The following DMD variants were observed in gnomAD, a reference collection of about 807,000 sequenced individuals.
DMD encodes the protein dystrophin, also known as mutant dystrophin.
DMD carries 63 observed loss-of-function variants against 330.1 expected under a neutral mutation model. That is an observed-to-expected ratio of 0.19 (90% CI 0.16 to 0.24). The LOEUF is 0.24. Ranked by LOEUF, DMD falls within the 10% of genes least tolerant of loss-of-function variation. The probability of loss-of-function intolerance (pLI) is 1.00; values close to 1 mark genes in which losing one functional copy is unlikely to be tolerated. For missense variants in DMD, 3,344 were observed against 2,684.1 expected, an observed-to-expected ratio of 1.25 and a Z score of -5.43; for synonymous variants, 1,223 against 959.8, an observed-to-expected ratio of 1.27 and a Z score of -5.07.
chrX:31,747,241 G>A (rs1192849857), intron 51 of DMD, among the ~76,000 whole-genome samples: 1 of 111,552 alleles, frequency 9.0e-6, no homozygotes, highest in Non-Finnish European at 1.9e-5. Flanking sequence ...TTTTGCTGTT[G>A]TAAGAGCAAA....
chrX:31,557,860 G>GA (rs1241355449), intron 55 of DMD, among the ~76,000 whole-genome samples: 167 of 101,293 alleles, frequency 1.6e-3, no homozygotes, highest in African/African-American at 2.4e-3. Context: ...ATACAGATTG[G>GA]AAAAAAAAAA....
intron 45 of DMD, among the ~76,000 whole-genome samples, chrX:31,955,434 C>T (rs780781557): frequency 1.8e-5 from 2 of 111,924 alleles, no homozygotes; most frequent in Non-Finnish European, 3.8e-5. Context: ...TTTTAGTTCT[C>T]GATCCTTCTA....
intron 43 of DMD, among the ~76,000 whole-genome samples, chrX:32,267,081 T>C (rs2097347666): frequency 8.9e-6 from 1 of 112,472 alleles, no homozygotes; most frequent in Non-Finnish European, 1.9e-5. Flanking sequence ...GATTTGCCAC[T>C]GTTGTTTCCT....
intron 44 of DMD, among the ~76,000 whole-genome samples, chrX:32,029,840 G>A (rs1031540186): frequency 6.3e-5 from 7 of 111,337 alleles, no homozygotes; most frequent in African/African-American, 9.8e-5. Context: ...AATATTCTCC[G>A]GTAACCTTTC....
chrX:32,530,854 C>T (rs1459590176), intron 17 of DMD, among the ~76,000 whole-genome samples: 2 of 111,992 alleles, frequency 1.8e-5, no homozygotes, highest in East Asian at 2.8e-4. Flanking sequence ...GAAATCCTGT[C>T]AGAGTAATAA....
chrX:32,919,008 G>A (rs1399019177), intron 2 of DMD, among the ~76,000 whole-genome samples: 1 of 111,896 alleles, frequency 8.9e-6, no homozygotes, highest in Non-Finnish European at 1.9e-5. Context: ...TGAGAAAGTG[G>A]GAAACAGCAT....
intron 44 of DMD, among the ~76,000 whole-genome samples, chrX:32,151,905 G>T (rs2096805504): frequency 9.0e-6 from 1 of 111,463 alleles, no homozygotes; most frequent in Admixed American, 9.6e-5. Context: ...AAAAAAGATG[G>T]CTGTTAATTC....
chrX:32,675,208 TTA>T (rs2147248183), intron 9 of DMD, among the ~76,000 whole-genome samples: 1 of 111,508 alleles, frequency 9.0e-6, no homozygotes, highest in East Asian at 2.8e-4. Flanking sequence ...AAAGGATGTA[TTA>T]TCTTACTACA....
chrX:32,885,048 G>A (rs2084383974), intron 2 of DMD, among the ~76,000 whole-genome samples: 1 of 111,523 alleles, frequency 9.0e-6, no homozygotes, highest in Admixed American at 9.5e-5. Flanking sequence ...AGATTTGTAG[G>A]GATCCTAGCC....
At chrX:31,821,975 T>C (rs771795096) in intron 49 of DMD, among the ~76,000 whole-genome samples, 13 of 112,443 alleles carry the variant, frequency 1.2e-4, no homozygotes, top group African/African-American at 4.2e-4. Context: ...ATCATTAATT[T>C]AATGCGAATC....
At chrX:32,451,335 T>G (rs2098329129) in intron 26 of DMD, among the ~76,000 whole-genome samples, 1 of 111,099 alleles carries the variant, frequency 9.0e-6, no homozygotes, top group African/African-American at 3.3e-5. Context: ...TTTGTGTATT[T>G]ACTATTCTCA....
chrX:33,082,876 C>A (rs1323781654), intron 1 of DMD, among the ~76,000 whole-genome samples: 1 of 112,191 alleles, frequency 8.9e-6, no homozygotes, highest in Non-Finnish European at 1.9e-5. Flanking sequence ...GTGTCCTAAC[C>A]CACGTTCTAT....
At chrX:32,125,222 C>T (rs192515390) in intron 44 of DMD, among the ~76,000 whole-genome samples, 83 of 110,629 alleles carry the variant, frequency 7.5e-4, no homozygotes, top group Non-Finnish European at 1.3e-3. Flanking sequence ...CAATGAGAGA[C>T]GATGGTAGCT....
At chrX:31,792,592 T>C (rs753578551) in intron 50 of DMD, among the ~76,000 whole-genome samples, 53 of 112,411 alleles carry the variant, frequency 4.7e-4, no homozygotes, top group Non-Finnish European at 9.2e-4. Context: ...TATACCTACT[T>C]AGTAACGAAG....
chrX:32,533,126 G>C (rs770664083), intron 17 of DMD, among the ~76,000 whole-genome samples: 1 of 110,937 alleles, frequency 9.0e-6, no homozygotes, highest in Non-Finnish European at 1.9e-5. Context: ...CCCAGTCTAT[G>C]AAACCAAGGT....
chrX:33,288,269 G>A (rs2053463086), intron 1 of DMD, among the ~76,000 whole-genome samples: 1 of 111,515 alleles, frequency 9.0e-6, no homozygotes, highest in Non-Finnish European at 1.9e-5. Context: ...TGTCATGGGT[G>A]CCATTCCACT....
At chrX:33,262,773 A>T (rs1004975923) in intron 1 of DMD, among the ~76,000 whole-genome samples, 2 of 110,765 alleles carry the variant, frequency 1.8e-5, no homozygotes, top group Admixed American at 1.9e-4. Context: ...TCACAAAAAA[A>T]CCCCTAAAAA....
At chrX:31,378,594 C>T (rs2148704417) in intron 60 of DMD, among the ~76,000 whole-genome samples, 1 of 109,978 alleles carries the variant, frequency 9.1e-6, no homozygotes, top group African/African-American at 3.3e-5. Flanking sequence ...ACGGGGACGC[C>T]TGCCTTGGTC....
intron 1 of DMD, among the ~76,000 whole-genome samples, chrX:33,259,058 G>T (rs1331849326): frequency 9.0e-6 from 1 of 111,372 alleles, no homozygotes; most frequent in Non-Finnish European, 1.9e-5. Context: ...CTTGTTTGAA[G>T]ATGGGCGCTT....
Sources: allele counts gnomAD v4.1 joint callset (sites outside exome capture counted in the v4.1 genomes callset), GRCh38; gene constraint gnomAD v4.1.1; transcripts MANE v1.5; gene names NCBI Gene and HGNC (gene_info 2026-07-23, HGNC 2026-07-21).